Variants in CREBRF observed in about 807,000 individuals in gnomAD.
The protein encoded by CREBRF is UPF0474 protein C5orf41.
In CREBRF, 5 loss-of-function variants were observed where a neutral mutation model predicts 66.1. The ratio of observed to expected loss-of-function variants is 0.08; its 90% CI spans 0.04 to 0.16. The LOEUF is 0.16. CREBRF is among the 10% of genes least tolerant of loss of function. The probability of loss-of-function intolerance (pLI) is 1.00; values close to 1 mark genes in which losing one functional copy is unlikely to be tolerated. For missense variants in CREBRF, 531 were observed against 744.9 expected, an observed-to-expected ratio of 0.71 and a Z score of 3.34; for synonymous variants, 229 against 264.4, an observed-to-expected ratio of 0.87 and a Z score of 1.30.
At chr5:173,105,337 A>T (rs934885555) in intron 4 of CREBRF, among the ~76,000 whole-genome samples, 1 of 151,960 alleles carries the variant, frequency 6.6e-6, no homozygotes, top group African/African-American at 2.4e-5. Flanking sequence ...TGGAACACCC[A>T]ATTACTGACA....
chr5:173,121,685 G>A (rs1759142839), intron 7 of CREBRF, among the ~76,000 whole-genome samples: 1 of 152,092 alleles, frequency 6.6e-6, no homozygotes, highest in Non-Finnish European at 1.5e-5. Flanking sequence ...TGTTTTTAAA[G>A]CTTTTGTTTT....
intron 8 of CREBRF, among the ~76,000 whole-genome samples, chr5:173,128,474 C>T (rs1736489630): frequency 6.6e-6 from 1 of 151,094 alleles, no homozygotes; most frequent in East Asian, 1.9e-4. Context: ...TTTGGTGTGG[C>T]AGTCCATTTA....
intron 8 of CREBRF, among the ~76,000 whole-genome samples, chr5:173,128,885 A>T (rs764731649): frequency 2.0e-5 from 3 of 150,664 alleles, no homozygotes; most frequent in African/African-American, 4.9e-5. Context: ...GGCTCACACC[A>T]TTCTCCTGCC....
intron 4 of CREBRF, among the ~76,000 whole-genome samples, chr5:173,097,852 G>GT (rs1175272449): frequency 6.6e-6 from 1 of 151,706 alleles, no homozygotes; most frequent in Non-Finnish European, 1.5e-5. Flanking sequence ...CTTTTCTATT[G>GT]TTTTTTAGTG....
At chr5:173,062,747 C>CTTTTT (rs35042056) in intron 1 of CREBRF, among the ~76,000 whole-genome samples, 13 of 118,738 alleles carry the variant, frequency 1.1e-4, no homozygotes, top group Non-Finnish European at 1.4e-4. Flanking sequence ...TAAAATCATT[C>CTTTTT]TTTTTTTTTT....
intron 7 of CREBRF, among the ~76,000 whole-genome samples, chr5:173,122,343 C>A (rs1355515496): frequency 6.6e-6 from 1 of 152,136 alleles, no homozygotes; most frequent in Non-Finnish European, 1.5e-5. Context: ...TCATGCAGTC[C>A]ACCTGCCTTG....
At chr5:173,082,399 A>G (rs1404336208) in intron 2 of CREBRF, among the ~76,000 whole-genome samples, 1 of 152,068 alleles carries the variant, frequency 6.6e-6, no homozygotes. Flanking sequence ...TCTAGGAAGA[A>G]AGGTTCTGCA....
chr5:173,114,737 A>C (rs1025323156), intron 7 of CREBRF, among the ~76,000 whole-genome samples: 5 of 151,900 alleles, frequency 3.3e-5, no homozygotes, highest in Non-Finnish European at 5.9e-5. Flanking sequence ...GACAAAGCTC[A>C]CTGGAGACTG....
At chr5:173,078,097 A>G (rs1361974679) in intron 1 of CREBRF, among the ~76,000 whole-genome samples, 3 of 152,206 alleles carry the variant, frequency 2.0e-5, no homozygotes, top group African/African-American at 7.2e-5. Flanking sequence ...TGGAATTGCT[A>G]GATCATATGG....
rs1175741422 is a variant in CREBRF at position 173,134,602 on chromosome 5, T to A, written c.*857T>A. 6.5e-6 allele frequency: 1 copy of A among 153,042 alleles called. No homozygotes were observed. The highest frequency in any genetic ancestry group is 1.5e-5 in the Non-Finnish European group (1 of 68,264). 9.5% of individuals were successfully genotyped at this position (153,042 alleles called of 1,614,324 possible). ...TCTAGAAAACTCATATTTCGGTACT[T>A]GACCGGAAGAAGACAAATACTTGCA... On this transcript the variant is annotated 3_prime_UTR_variant, in exon 9 of 9. Coordinates refer to ENST00000296953, the MANE Select transcript of CREBRF (RefSeq NM_153607.3).
At position 173,137,646 on chromosome 5, in the gene CREBRF, G is replaced by T. The variant is rs570581045; in HGVS notation, c.*3901G>T. On this transcript the variant is annotated 3_prime_UTR_variant, in exon 9 of 9. Transcript: ENST00000296953. ...TCTCTTTAAAAGAAACAGAAGTACA[G>T]TACTTTTGAAATACAATGCTGTTAG... 2.0e-5 allele frequency: 3 copies of T among 151,814 alleles called. No homozygotes were observed. The highest frequency in any genetic ancestry group is 7.3e-5 in the African/African-American group (3 of 41,372). The allele number at this position is 151,814 out of a possible 1,614,324, so 9.4% of individuals were successfully genotyped here. A position where few individuals can be genotyped will look rare whatever the true frequency, so the allele number is the denominator to read the frequency against.
At chr5:173,116,920 C>A (rs545305596) in intron 7 of CREBRF, among the ~76,000 whole-genome samples, 1 of 151,084 alleles carries the variant, frequency 6.6e-6, no homozygotes, top group Middle Eastern at 3.4e-3. Flanking sequence ...TTTTACAAAT[C>A]TAATGGGTGT....
chr5:173,062,769 A>C (rs1757313691), intron 1 of CREBRF, among the ~76,000 whole-genome samples: 1 of 123,598 alleles, frequency 8.1e-6, no homozygotes, highest in African/African-American at 3.1e-5. Flanking sequence ...TTTTTTTGAG[A>C]CGGAGTCTTG....
intron 4 of CREBRF, among the ~76,000 whole-genome samples, chr5:173,100,078 TTGTG>T (rs749558283): frequency 4.6e-4 from 32 of 69,144 alleles, no homozygotes; most frequent in South Asian, 1.5e-3. Context: ...GGCTAATCTT[TTGTG>T]TGTGTGTGTG....
Position 173,067,530 on chromosome 5 carries a change from A to G in CREBRF, c.-192+11051A>G, listed in dbSNP as rs569281846. On this transcript the variant is annotated intron_variant, in intron 1 of 8. Coordinates refer to ENST00000296953, the MANE Select transcript of CREBRF (RefSeq NM_153607.3). Reference sequence around the variant, plus strand: ...AATGTCAGATCTAATTTTTTCCCCCAAAAGAGTGGTATTTGAGATCAGACA... The same window carrying G: ...AATGTCAGATCTAATTTTTTCCCCCGAAAGAGTGGTATTTGAGATCAGACA... Among the ~76,000 whole-genome samples the G allele has an allele frequency of 5.3e-5, 8 of 152,246 alleles. No individual in the cohort carries two copies. In the East Asian group the frequency reaches 1.5e-3, roughly 29 times the overall value.
At chr5:173,131,693 TATAC>T (rs1313722144) in intron 8 of CREBRF, among the ~76,000 whole-genome samples, 2 of 98,092 alleles carry the variant, frequency 2.0e-5, no homozygotes, top group African/African-American at 4.2e-5. Context: ...TGTATATATG[TATAC>T]ACACACACAC....
chr5:173,123,419 A>G, intron 8 of CREBRF: 1 of 432,026 alleles, frequency 2.3e-6, no homozygotes, highest in Non-Finnish European at 4.1e-6. Flanking sequence ...TCATGAAACT[A>G]TTTTAACATT....
chr5:173,062,989 C>T (rs1329263608), intron 1 of CREBRF, among the ~76,000 whole-genome samples: 1 of 151,884 alleles, frequency 6.6e-6, no homozygotes, highest in Non-Finnish European at 1.5e-5. Flanking sequence ...CCTCGTGATC[C>T]GCCCGCCTCG....
At chr5:173,087,971 G>A (rs546209907) in intron 3 of CREBRF, among the ~76,000 whole-genome samples, 1 of 151,818 alleles carries the variant, frequency 6.6e-6, no homozygotes, top group Non-Finnish European at 1.5e-5. Flanking sequence ...TTACAGGCAT[G>A]CACCACCACA....
Sources: allele counts gnomAD v4.1 joint callset (sites outside exome capture counted in the v4.1 genomes callset), GRCh38; gene constraint gnomAD v4.1.1; transcripts MANE v1.5; gene names NCBI Gene and HGNC (gene_info 2026-07-23, HGNC 2026-07-21).